The following MCOLN2 variants were observed in gnomAD, a reference collection of about 807,000 sequenced individuals.
MCOLN2 encodes mucolipin-2.
MCOLN2 carries 57 observed loss-of-function variants against 67.5 expected under a neutral mutation model. The observed-to-expected ratio is 0.84, with a 90% CI of 0.68 to 1.05. The LOEUF (loss-of-function observed/expected upper bound fraction) is 1.05, where lower values mean the gene tolerates loss of function less well. MCOLN2 is among the 50% of genes least tolerant of loss of function. The probability of loss-of-function intolerance (pLI) is 0.00; values close to 1 mark genes in which losing one functional copy is unlikely to be tolerated. For missense variants in MCOLN2, 620 were observed against 678.8 expected, an observed-to-expected ratio of 0.91 and a Z score of 0.96; for synonymous variants, 246 against 233.3, an observed-to-expected ratio of 1.05 and a Z score of -0.50.
chr1:84,928,429 G>T (rs1051876575), intron 13 of MCOLN2, among the ~76,000 whole-genome samples: 1 of 152,088 alleles, frequency 6.6e-6, no homozygotes, highest in Non-Finnish European at 1.5e-5. Flanking sequence ...GTTCCATAGG[G>T]CTGCATGACA....
chr1:84,985,578 AC>A (rs1650467302), intron 1 of MCOLN2, among the ~76,000 whole-genome samples: 1 of 152,060 alleles, frequency 6.6e-6, no homozygotes, highest in African/African-American at 2.4e-5. Flanking sequence ...CCTGCCCTCC[AC>A]CTGCTCCTCC....
At chr1:84,945,904 A>G (rs914459340) in intron 7 of MCOLN2, among the ~76,000 whole-genome samples, 1 of 152,030 alleles carries the variant, frequency 6.6e-6, no homozygotes, top group African/African-American at 2.4e-5. Context: ...ATGTGCCACC[A>G]TGCCCGGCTA....
At chr1:84,978,819 C>G (rs1650117298) in intron 1 of MCOLN2, among the ~76,000 whole-genome samples, 1 of 152,050 alleles carries the variant, frequency 6.6e-6, no homozygotes, top group Admixed American at 6.6e-5. Flanking sequence ...TACACACACA[C>G]ACATATACAT....
At chr1:84,979,083 A>T (rs1176068236) in intron 1 of MCOLN2, among the ~76,000 whole-genome samples, 1 of 152,196 alleles carries the variant, frequency 6.6e-6, no homozygotes, top group East Asian at 1.9e-4. Flanking sequence ...GATTGTGTCC[A>T]CCCAGAATAA....
At position 84,965,690 on chromosome 1, in the gene MCOLN2, A is replaced by G; in HGVS notation, c.96T>C (p.Arg32=). The G allele has an allele frequency of 6.2e-7, 1 of 1,613,114 alleles. No homozygotes were observed. The highest frequency in any genetic ancestry group is 8.5e-7 in the Non-Finnish European group (1 of 1,179,724). Residue 32 remains arginine (R), a synonymous_variant, in exon 2 of 14, where the codon CGT becomes CGC. Transcript: ENST00000370608. ...GACATTCTTCTTTCATCTCAGAATC[A>G]CGATGTGCCATTGCATTTCTGCCAC... ...RLTVRNAMAH[R]DSEMKEECLR...
At chr1:84,975,001 G>A (rs1649923966) in intron 1 of MCOLN2, among the ~76,000 whole-genome samples, 1 of 152,196 alleles carries the variant, frequency 6.6e-6, no homozygotes, top group Non-Finnish European at 1.5e-5. Context: ...TGTAATTTGA[G>A]TGCCAGCTCA....
chr1:84,944,335 C>T (rs1379060292), intron 7 of MCOLN2, among the ~76,000 whole-genome samples: 3 of 152,090 alleles, frequency 2.0e-5, no homozygotes, highest in Non-Finnish European at 4.4e-5. Context: ...GAGTTCAAGA[C>T]CAGCCTGGCC....
chr1:84,941,761 C>T (rs1442310903), intron 7 of MCOLN2, among the ~76,000 whole-genome samples: 1 of 152,232 alleles, frequency 6.6e-6, no homozygotes, highest in Admixed American at 6.5e-5. Context: ...CTCAACCTCA[C>T]TGTGCACTTT....
intron 1 of MCOLN2, among the ~76,000 whole-genome samples, chr1:84,995,656 C>CT (rs1311643673): frequency 6.6e-6 from 1 of 152,198 alleles, no homozygotes; most frequent in Non-Finnish European, 1.5e-5. Context: ...TTTCACTTCA[C>CT]TGACAGAGAC....
At chr1:84,956,336 GC>G (rs1648789165) in intron 4 of MCOLN2, 94 bp downstream of exon 4, 2 of 1,310,744 alleles carry the variant, frequency 1.5e-6, no homozygotes, top group Admixed American at 4.2e-5. Context: ...TCTCACCAAA[GC>G]AAAGTTTTTC....
At chr1:84,935,152 T>C (rs58304778) in intron 11 of MCOLN2, among the ~76,000 whole-genome samples, 3,181 of 152,158 alleles carry the variant, frequency 0.021, 117 homozygotes, top group African/African-American at 0.074. Context: ...TTGGATTAAT[T>C]TGGGGGAAAG....
At chr1:84,968,438 C>CA (rs1196811590) in intron 1 of MCOLN2, among the ~76,000 whole-genome samples, 1 of 152,064 alleles carries the variant, frequency 6.6e-6, no homozygotes, top group African/African-American at 2.4e-5. Context: ...TTATAAAACA[C>CA]AATGACAAAC....
chr1:84,942,583 TC>T (rs35405796), intron 7 of MCOLN2, among the ~76,000 whole-genome samples: 26,220 of 152,180 alleles, frequency 0.17, 2,754 homozygotes, highest in South Asian at 0.29. Flanking sequence ...TCATTAAGTG[TC>T]CATCTTCCCC....
chr1:84,997,077 C>G lies in MCOLN2; in HGVS notation c.-205G>C. The G allele has an allele frequency of 1.7e-6, 1 of 587,512 alleles. No individual in the cohort carries two copies. Among genetic ancestry groups the G allele is most frequent in the Non-Finnish European group, 3.0e-6 (1 of 332,128 alleles). The allele number at this position is 587,512 out of a possible 1,614,324, so 36.4% of individuals were successfully genotyped here. A position where few individuals can be genotyped will look rare whatever the true frequency, so the allele number is the denominator to read the frequency against. ...CAGGCGCCGCAGTCGTGGAGTGCGG[C>G]GGGCAGTTCTCGGGCGGCTGAAAGG... On this transcript the variant is annotated 5_prime_UTR_variant, in exon 1 of 14. Transcript: ENST00000370608.
At chr1:84,965,791 A>G in intron 1 of MCOLN2, 83 bp from the exon 2 acceptor site, 1 of 1,249,562 alleles carries the variant, frequency 8.0e-7, no homozygotes, top group Non-Finnish European at 1.1e-6. Flanking sequence ...CCTAAACTTG[A>G]GTTGGTACAT....
At chr1:84,981,811 T>C (rs1650268498) in intron 1 of MCOLN2, among the ~76,000 whole-genome samples, 1 of 152,140 alleles carries the variant, frequency 6.6e-6, no homozygotes, top group Admixed American at 6.5e-5. Flanking sequence ...TTAAAGAGTA[T>C]AATTGGACTG....
At chr1:84,960,384 T>G (rs991537733) in intron 2 of MCOLN2, among the ~76,000 whole-genome samples, 1 of 152,318 alleles carries the variant, frequency 6.6e-6, no homozygotes, top group Non-Finnish European at 1.5e-5. Flanking sequence ...TAAAAACAAC[T>G]TCCTTCTGCT....
At position 84,926,607 on chromosome 1, in the gene MCOLN2, C is replaced by T; in HGVS notation, c.*78G>A. On this transcript the variant is annotated 3_prime_UTR_variant, in exon 14 of 14. Coordinates refer to ENST00000370608, the MANE Select transcript of MCOLN2 (RefSeq NM_153259.4). Reference sequence around the variant, plus strand: ...AAATAAGAGAGTCATTTTGGAACTGCTTGTCCAAGTCATTTGGGGTTCCTC... The same window carrying T: ...AAATAAGAGAGTCATTTTGGAACTGTTTGTCCAAGTCATTTGGGGTTCCTC... 9.1e-7 allele frequency: 1 copy of T among 1,095,414 alleles called. No homozygotes were observed. Among genetic ancestry groups the T allele is most frequent in the Non-Finnish European group, 1.3e-6 (1 of 763,480 alleles). 67.9% of individuals were successfully genotyped at this position (1,095,414 alleles called of 1,614,324 possible).
intron 2 of MCOLN2, among the ~76,000 whole-genome samples, chr1:84,964,269 T>G (rs1214162369): frequency 6.6e-6 from 1 of 152,226 alleles, no homozygotes; most frequent in African/African-American, 2.4e-5. Context: ...ACTCTAGTTA[T>G]GGCAGGGACC....
Sources: allele counts gnomAD v4.1 joint callset (sites outside exome capture counted in the v4.1 genomes callset), GRCh38; gene constraint gnomAD v4.1.1; transcripts MANE v1.5; gene names NCBI Gene and HGNC (gene_info 2026-07-23, HGNC 2026-07-21).